RUFY1: variants seen among roughly 807,000 people sequenced by gnomAD.
RUFY1 encodes the protein RUN and FYVE domain containing 1.
Under a neutral mutation model 94.6 loss-of-function variants are expected in RUFY1, and 54 were observed. The ratio of observed to expected loss-of-function variants is 0.57; its 90% CI spans 0.46 to 0.72. The LOEUF is 0.72. RUFY1 is among the 30% of genes least tolerant of loss of function. The pLI is 0.00. For synonymous variants in RUFY1, 396 were observed against 347.3 expected, an observed-to-expected ratio of 1.14 and a Z score of -1.56; for missense variants, 883 against 883.9, an observed-to-expected ratio of 1.00 and a Z score of 0.01.
intron 8 of RUFY1, among the ~76,000 whole-genome samples, chr5:179,588,889 C>T (rs1001552630): frequency 1.3e-5 from 2 of 152,074 alleles, no homozygotes; most frequent in Non-Finnish European, 2.9e-5. Context: ...AGACATCACT[C>T]CTGGCTGATT....
intron 14 of RUFY1, among the ~76,000 whole-genome samples, chr5:179,601,072 C>T (rs1287238829): frequency 6.6e-6 from 1 of 152,174 alleles, no homozygotes; most frequent in Admixed American, 6.5e-5. Context: ...GCAGAGCCCT[C>T]GTCGAGTGCT....
At chr5:179,555,957 C>T (rs1179548365) in intron 1 of RUFY1, among the ~76,000 whole-genome samples, 1 of 151,988 alleles carries the variant, frequency 6.6e-6, no homozygotes, top group Admixed American at 6.6e-5. Flanking sequence ...CTCGGCCTCC[C>T]AAAGTGCTGG....
At chr5:179,580,874 ATAT>A in intron 6 of RUFY1, 70 bp from the exon 7 acceptor site, 1 of 816,106 alleles carries the variant, frequency 1.2e-6, no homozygotes, top group Non-Finnish European at 2.0e-6. Context: ...GGTGATTGGA[ATAT>A]TGGGGAACAG....
At chr5:179,577,288 C>T in intron 6 of RUFY1, 152 bp downstream of exon 6, 1 of 559,508 alleles carries the variant, frequency 1.8e-6, no homozygotes, top group Non-Finnish European at 3.1e-6. Context: ...TCTTCTGCCT[C>T]AGCCTCCTGA....
chr5:179,596,585 G>T lies in RUFY1; in HGVS notation c.1535G>T (p.Arg512Met). ...EERLQHSERA[R>M]QGAEERSHKL... ...AGGTTGCAGCACTCGGAGCGGGCGA[G>T]GCAGGGGGCTGAGGAGCGGAGCCAC... Residue 512 changes from arginine to methionine, a missense_variant, in exon 13 of 18, where the codon AGG becomes ATG. Physicochemically the swap from Arg to Met is moderately conservative, Grantham distance 91. Transcript: ENST00000319449. 1 of 1,613,606 alleles carries T rather than the reference G, an allele frequency of 6.2e-7. No individual in the cohort carries two copies. The highest frequency in any genetic ancestry group is 8.5e-7 in the Non-Finnish European group (1 of 1,180,002).
intron 6 of RUFY1, among the ~76,000 whole-genome samples, 160 bp from the exon 7 acceptor site, chr5:179,580,787 T>C (rs1764096250): frequency 1.3e-5 from 2 of 152,154 alleles, no homozygotes; most frequent in Admixed American, 6.6e-5. Context: ...GCTGGCTTTC[T>C]CTCTGTACTC....
rs1490167522 is a variant in RUFY1, at chr5:179,608,338, G to C, written c.1983+679G>C. On this transcript the variant is annotated intron_variant, in intron 17 of 17. Coordinates refer to ENST00000319449, the MANE Select transcript of RUFY1 (RefSeq NM_025158.5). ...AGCTACCCCACCCGCTCCCCAACCC[G>C]AGTTTCAGGCAGTGCCTTGCAGTAA... 3.0e-6 allele frequency: 3 copies of C among 985,598 alleles called. No homozygotes were observed. The African/African-American group carries it at 5.2e-5, about 17-fold the overall frequency. 61.1% of individuals were successfully genotyped at this position (985,598 alleles called of 1,614,324 possible). A position where few individuals can be genotyped will look rare whatever the true frequency, so the allele number is the denominator to read the frequency against.
At chr5:179,596,215 C>T (rs1001114164) in intron 12 of RUFY1, 5 of 351,064 alleles carry the variant, frequency 1.4e-5, no homozygotes, top group Non-Finnish European at 2.7e-5. Context: ...AAGGCATGAA[C>T]CATTGATACA....
intron 5 of RUFY1, among the ~76,000 whole-genome samples, chr5:179,571,266 T>C (rs1162491602): frequency 6.6e-6 from 1 of 152,090 alleles, no homozygotes; most frequent in Non-Finnish European, 1.5e-5. Flanking sequence ...GAGGCCAAGG[T>C]AGGAGGATCA....
chr5:179,601,784 A>T lies in RUFY1; in HGVS notation c.1762-108A>T, dbSNP rs1346045130. The T allele has an allele frequency of 4.2e-5, 34 of 804,070 alleles. No homozygotes were observed. In the African/African-American group the frequency reaches 5.7e-4, roughly 13 times the overall value. The allele number at this position is 804,070 out of a possible 1,614,324, so 49.8% of individuals were successfully genotyped here. A position where few individuals can be genotyped will look rare whatever the true frequency, so the allele number is the denominator to read the frequency against. On this transcript the variant is annotated intron_variant, in intron 14 of 17. Transcript: ENST00000319449. The stretch of plus-strand genomic sequence containing the variant: ...CAGTGAGCCAAGATCGTGCCACTGC[A>T]CTCCAGCCTGGCAACAGAGCAAGAC...
At chr5:179,602,061 T>C (rs1157256295) in intron 15 of RUFY1, 75 bp downstream of exon 15, 10 of 1,226,178 alleles carry the variant, frequency 8.2e-6, no homozygotes, top group Non-Finnish European at 1.1e-5. Context: ...GCCCCAAACC[T>C]ACCTCCTTTT....
intron 11 of RUFY1, among the ~76,000 whole-genome samples, chr5:179,593,891 C>T (rs1337986359): frequency 6.6e-6 from 1 of 152,164 alleles, no homozygotes; most frequent in African/African-American, 2.4e-5. Flanking sequence ...TAAGGGGAGA[C>T]GTGGGTCTTT....
intron 13 of RUFY1, among the ~76,000 whole-genome samples, chr5:179,597,156 G>A (rs182104084): frequency 2.1e-4 from 32 of 152,186 alleles, no homozygotes; most frequent in East Asian, 1.2e-3. Context: ...GGGCTCAAGC[G>A]ATTCTTGTGC....
chr5:179,609,206 CAAAAAAAAAA>C (rs5873655), intron 17 of RUFY1, among the ~76,000 whole-genome samples, 160 bp from the exon 18 acceptor site: 1 of 121,432 alleles, frequency 8.2e-6, no homozygotes, highest in East Asian at 2.5e-4. Context: ...GACTCTATCT[CAAAAAAAAAA>C]AAAAAAAAAG....
At chr5:179,572,329 A>G in intron 5 of RUFY1, 1 of 194,748 alleles carries the variant, frequency 5.1e-6, no homozygotes, top group South Asian at 7.3e-5. Flanking sequence ...CGTCGCATTC[A>G]GCGACCATGC....
Position 179,608,292 on chromosome 5 carries a change from CTG to C in RUFY1, c.1983+636_1983+637del, listed in dbSNP as rs1387202775. On this transcript the variant is annotated intron_variant, in intron 17 of 17. Transcript: ENST00000319449. ...GTCTGTTCCCATCAACAGCCTAGCT[CTG>C]TGGAAGAGAGGAAGCCACAGCTACC... 3.0e-6 allele frequency: 3 copies of C among 986,088 alleles called. No homozygotes were observed. In the African/African-American group the frequency reaches 5.2e-5, roughly 17 times the overall value. The allele number at this position is 986,088 out of a possible 1,614,324, so 61.1% of individuals were successfully genotyped here. A position where few individuals can be genotyped will look rare whatever the true frequency, so the allele number is the denominator to read the frequency against.
chr5:179,571,868 T>TA (rs1192634188), intron 5 of RUFY1, among the ~76,000 whole-genome samples: 7 of 152,364 alleles, frequency 4.6e-5, no homozygotes, highest in African/African-American at 1.7e-4. Flanking sequence ...TTTCTTTCTC[T>TA]ACTTCTTTAT....
intron 13 of RUFY1, chr5:179,598,361 T>C: frequency 3.6e-6 from 1 of 280,864 alleles, no homozygotes. Context: ...AGACCCTGTC[T>C]CAAAAAAAGA....
intron 6 of RUFY1, among the ~76,000 whole-genome samples, chr5:179,580,392 G>C (rs866193932): frequency 1.3e-5 from 2 of 151,492 alleles, no homozygotes; most frequent in East Asian, 1.9e-4. Context: ...ACAGGCGCCC[G>C]CCACCACGCC....
Sources: allele counts gnomAD v4.1 joint callset (sites outside exome capture counted in the v4.1 genomes callset), GRCh38; gene constraint gnomAD v4.1.1; transcripts MANE v1.5; gene names NCBI Gene and HGNC (gene_info 2026-07-23, HGNC 2026-07-21).